The following DNAH14 variants were observed in gnomAD, a reference collection of about 807,000 sequenced individuals.
DNAH14 encodes the protein axonemal beta dynein heavy chain 14.
A neutral mutation model predicts 520.9 loss-of-function variants in DNAH14; 478 were observed. That is an observed-to-expected ratio of 0.92 (90% CI 0.85 to 0.99). The LOEUF (loss-of-function observed/expected upper bound fraction) is 0.99. Among genes scored for constraint, DNAH14 ranks in the 50% least tolerant of loss-of-function variants. The pLI is 0.00. For missense variants in DNAH14, 4,831 were observed against 5,234.5 expected, an observed-to-expected ratio of 0.92 and a Z score of 2.38; for synonymous variants, 1,581 against 1,757.2, an observed-to-expected ratio of 0.90 and a Z score of 2.51.
chr1:224,970,151 C>A (rs1393959875), intron 7 of DNAH14, among the ~76,000 whole-genome samples: 1 of 152,134 alleles, frequency 6.6e-6, no homozygotes, highest in Non-Finnish European at 1.5e-5. Flanking sequence ...GAATGCGTCC[C>A]TGAGGGTAGG....
chr1:224,983,858 G>C lies in DNAH14; in HGVS notation c.830+9705G>C, dbSNP rs541559460. On this transcript the variant is annotated intron_variant, in intron 8 of 85. Coordinates refer to ENST00000682510, the MANE Select transcript of DNAH14 (RefSeq NM_001367479.1). The stretch of plus-strand genomic sequence containing the variant: ...AAAGGAGTCAAAAGACCCCTACAAG[G>C]AAGACTACAAAACACTGCTAAAAGA... Among the ~76,000 whole-genome samples, 8 of 152,132 alleles carry C rather than the reference G, an allele frequency of 5.3e-5. No individual in the cohort carries two copies. The South Asian group carries it at 1.7e-3, about 32-fold the overall frequency.
intron 52 of DNAH14, among the ~76,000 whole-genome samples, chr1:225,274,912 T>G (rs531902592): frequency 2.4e-4 from 36 of 152,250 alleles, no homozygotes; most frequent in Non-Finnish European, 4.7e-4. Flanking sequence ...TAATAGTTAA[T>G]ACAATGTGCC....
At chr1:225,057,434 A>G (rs942851837) in intron 17 of DNAH14, among the ~76,000 whole-genome samples, 6 of 152,176 alleles carry the variant, frequency 3.9e-5, no homozygotes, top group Admixed American at 2.6e-4. Context: ...TTGGGCTGAG[A>G]CAATGGGGTT....
chr1:225,303,785 G>A (rs1389885732), intron 57 of DNAH14, among the ~76,000 whole-genome samples: 1 of 152,302 alleles, frequency 6.6e-6, no homozygotes. Flanking sequence ...TGAGCCAACA[G>A]TAAGAAAGAA....
rs567584189 is a variant in DNAH14, at chr1:225,018,600, A to T, written c.1108-5015A>T. On this transcript the variant is annotated intron_variant, in intron 10 of 85. Transcript: ENST00000682510. ...TTAATCATCCCCAAGACACATAGTC[A>T]TCAAATTCTCCAAGGTCAACATGAA... is the stretch of plus-strand genomic sequence containing the variant. Among the ~76,000 whole-genome samples, 9 of 152,306 alleles carry T rather than the reference A, an allele frequency of 5.9e-5. No homozygotes were observed. In the East Asian group the frequency reaches 1.7e-3, roughly 29 times the overall value.
At position 225,331,487 on chromosome 1, in the gene DNAH14, T is replaced by A; in HGVS notation, c.9774T>A (p.Ala3258=). The A allele has an allele frequency of 6.4e-7, 1 of 1,551,564 alleles. No individual in the cohort carries two copies. Among genetic ancestry groups the A allele is most frequent in the Non-Finnish European group, 8.7e-7 (1 of 1,146,884 alleles). Residue 3258 remains alanine (A), a synonymous_variant, in exon 65 of 86, where the codon GCT becomes GCA. Transcript: ENST00000682510. ...FLQAAYKDTV[A]EKQLLANRKT... ...AGGCAGCTTACAAAGATACCGTTGC[T>A]GAAAAACAACTATTAGCAAATCGGA...
At chr1:225,275,331 A>G (rs590739) in intron 52 of DNAH14, among the ~76,000 whole-genome samples, 56,023 of 152,124 alleles carry the variant, frequency 0.37, 13,040 homozygotes, top group African/African-American at 0.63. Flanking sequence ...TGTCAGTGCT[A>G]TAACGTCAGT....
At chr1:225,293,800 C>T (rs1484141760) in intron 55 of DNAH14, among the ~76,000 whole-genome samples, 1 of 151,986 alleles carries the variant, frequency 6.6e-6, no homozygotes, top group East Asian at 1.9e-4. Flanking sequence ...TGCACTTGTA[C>T]TTCTGAACTT....
chr1:225,091,404 C>A (rs183817459), intron 21 of DNAH14, among the ~76,000 whole-genome samples: 2 of 152,186 alleles, frequency 1.3e-5, no homozygotes, highest in South Asian at 2.1e-4. Flanking sequence ...ACCCTACAAG[C>A]CAAAAGAGAT....
chr1:225,141,089 C>T, intron 28 of DNAH14, 68 bp downstream of exon 28: 1 of 1,378,052 alleles, frequency 7.3e-7, no homozygotes, highest in South Asian at 1.6e-5. Context: ...TAAATTGATT[C>T]TCTACCTCAC....
rs184094753 is a variant in DNAH14, at chr1:225,340,473, G to T, written c.10450G>T (p.Glu3484Ter). ...CATGTTCAGGTTATACTTATCTACA[G>T]AAATAGACAACCCCCATTTTCTTCC... ...NSNFRLYLSTEIDNPHFLPSV... is the reference protein window; with the variant it reads ...NSNFRLYLST Residue 3484 changes from glutamate to a stop codon, truncating the protein, a stop_gained, in exon 69 of 86, where the codon GAA (glutamate) becomes TAA (stop). Coordinates refer to ENST00000682510, the MANE Select transcript of DNAH14 (RefSeq NM_001367479.1). LOFTEE classifies it high-confidence loss of function. The T allele has an allele frequency of 4.4e-3, 6,831 of 1,550,518 alleles. 30 individuals carry two copies. Among genetic ancestry groups the T allele is most frequent in the Non-Finnish European group, 5.1e-3 (5,840 of 1,146,276 alleles).
chr1:225,236,875 A>G (rs1178292720), intron 42 of DNAH14, among the ~76,000 whole-genome samples: 2 of 152,106 alleles, frequency 1.3e-5, no homozygotes, highest in Non-Finnish European at 2.9e-5. Context: ...CCCTTTGAAG[A>G]GGTCCTTCTT....
chr1:224,994,492 C>T (rs1376275447), intron 8 of DNAH14, among the ~76,000 whole-genome samples: 3 of 151,746 alleles, frequency 2.0e-5, no homozygotes, highest in African/African-American at 7.3e-5. Context: ...CTATAACCAC[C>T]CCTGTTCTTT....
intron 37 of DNAH14, among the ~76,000 whole-genome samples, chr1:225,188,932 A>G (rs1159222275): frequency 6.6e-6 from 1 of 151,716 alleles, no homozygotes; most frequent in African/African-American, 2.4e-5. Flanking sequence ...TATTCTTTGG[A>G]ATCCTTGTCT....
At chr1:225,349,616 A>G (rs900212208) in intron 71 of DNAH14, among the ~76,000 whole-genome samples, 3 of 152,220 alleles carry the variant, frequency 2.0e-5, no homozygotes, top group African/African-American at 7.2e-5. Context: ...AAAATATTCC[A>G]TGCAAGTGGT....
intron 79 of DNAH14, among the ~76,000 whole-genome samples, chr1:225,377,793 A>G (rs569766795): frequency 6.6e-6 from 1 of 151,106 alleles, no homozygotes; most frequent in African/African-American, 2.4e-5. Context: ...TTGTACGTCT[A>G]ACAAATTTTA....
chr1:225,005,393 G>T (rs1311709810), intron 9 of DNAH14, among the ~76,000 whole-genome samples: 6 of 152,042 alleles, frequency 3.9e-5, no homozygotes, highest in African/African-American at 1.4e-4. Flanking sequence ...TTTTGAACAT[G>T]GTATTTTAGG....
chr1:225,318,140 G>C (rs193110083), intron 60 of DNAH14, among the ~76,000 whole-genome samples: 26 of 152,306 alleles, frequency 1.7e-4, no homozygotes, highest in African/African-American at 6.3e-4. Context: ...CAGTTCAAAT[G>C]TCTTACTTTT....
At chr1:225,081,547 C>T (rs765723580) in intron 19 of DNAH14, among the ~76,000 whole-genome samples, 1 of 152,128 alleles carries the variant, frequency 6.6e-6, no homozygotes, top group Non-Finnish European at 1.5e-5. Context: ...CCATGGTTCC[C>T]CAGATAAAAT....
Sources: gnomAD v4.1 joint callset for allele counts (sites outside exome capture counted in the v4.1 genomes callset) on GRCh38, gnomAD v4.1.1 for gene constraint, MANE v1.5 for transcripts, NCBI Gene and HGNC (gene_info 2026-07-23, HGNC 2026-07-21) for gene names.